Variants in BPIFB4 observed in about 807,000 individuals in gnomAD.
BPIFB4 encodes the protein BPI fold containing family B member 4.
Under a neutral mutation model 69.2 loss-of-function variants are expected in BPIFB4, and 62 were observed. The ratio of observed to expected loss-of-function variants is 0.90; its 90% CI spans 0.73 to 1.11. The LOEUF is 1.11. BPIFB4 is among the 50% of genes least tolerant of loss of function. The pLI, the probability that BPIFB4 is intolerant of heterozygous loss-of-function variation, is 0.00. For missense variants in BPIFB4, 789 were observed against 792.0 expected, an observed-to-expected ratio of 1.00 and a Z score of 0.04; for synonymous variants, 330 against 332.7, an observed-to-expected ratio of 0.99 and a Z score of 0.09.
At chr20:33,105,221 C>T (rs977898099) in intron 16 of BPIFB4, among the ~76,000 whole-genome samples, 3 of 152,118 alleles carry the variant, frequency 2.0e-5, no homozygotes, top group Admixed American at 6.5e-5. Flanking sequence ...GAGCATATTT[C>T]CTTCTAAACT....
intron 10 of BPIFB4, 91 bp from the exon 11 acceptor site, chr20:33,092,367 T>C (rs1380020406): frequency 9.6e-6 from 12 of 1,250,770 alleles, no homozygotes; most frequent in Non-Finnish European, 1.2e-5. Context: ...AATGGCTGCC[T>C]GGAGGCAGAT....
chr20:33,105,366 A>G (rs1281890486), intron 16 of BPIFB4, among the ~76,000 whole-genome samples: 2 of 152,226 alleles, frequency 1.3e-5, no homozygotes, highest in East Asian at 3.9e-4. Context: ...AGATACAGCT[A>G]AAGTTGCTCT....
chr20:33,100,003 T>A (rs567420794), intron 13 of BPIFB4, among the ~76,000 whole-genome samples: 1 of 152,234 alleles, frequency 6.6e-6, no homozygotes, highest in East Asian at 1.9e-4. Flanking sequence ...GCAGCGGTGA[T>A]GCCCAATCTC....
intron 17 of BPIFB4, among the ~76,000 whole-genome samples, chr20:33,109,298 T>C (rs1398971774): frequency 6.6e-6 from 1 of 152,196 alleles, no homozygotes; most frequent in African/African-American, 2.4e-5. Context: ...ATCTTCATCA[T>C]CATCATCATC....
Position 33,092,556 on chromosome 20 carries a change from C to T in BPIFB4, c.1242C>T (p.Asp414=), listed in dbSNP as rs967967015. The stretch of plus-strand genomic sequence containing the variant: ...TGCCAGAGCTGCCTCCCATGGGTGA[C>T]AACACCAAGTCCCAGCTGGCCATGT... The part of the protein sequence containing the change: ...KPMPELPPMG[D]NTKSQLAMSA... The change falls in exon 11 of 18, where the codon GAC becomes GAT. Residue 414 remains aspartate, a synonymous_variant. Transcript: ENST00000375483. 5 of 1,614,002 alleles carry T rather than the reference C, an allele frequency of 3.1e-6. No homozygotes were observed. The highest frequency in any genetic ancestry group is 2.7e-5 in the African/African-American group (2 of 74,942).
chr20:33,090,904 C>T (rs1377118092), intron 10 of BPIFB4, 105 bp downstream of exon 10: 1 of 1,342,412 alleles, frequency 7.4e-7, no homozygotes, highest in Non-Finnish European at 1.0e-6. Context: ...GGAAGTAACA[C>T]TTGACAGGAC....
chr20:33,099,454 C>G (rs1981846667), intron 13 of BPIFB4, among the ~76,000 whole-genome samples: 1 of 152,214 alleles, frequency 6.6e-6, no homozygotes, highest in Admixed American at 6.5e-5. Context: ...GCCCAGCACC[C>G]TGCAGTGACT....
Position 33,082,866 on chromosome 20 carries a change from C to A in BPIFB4, c.107-72C>A, listed in dbSNP as rs1156299973. 8.3e-6 allele frequency: 12 copies of A among 1,442,762 alleles called. No individual in the cohort carries two copies. The South Asian group carries it at 1.1e-4, about 14-fold the overall frequency. The allele number at this position is 1,442,762 out of a possible 1,614,324, so 89.4% of individuals were successfully genotyped here. On this transcript the variant is annotated intron_variant, in intron 3 of 17. Coordinates refer to ENST00000375483, the MANE Select transcript of BPIFB4 (RefSeq NM_182519.3). The stretch of plus-strand genomic sequence containing the variant: ...AGGCCCAGGGAGCTGAGCAACACTG[C>A]GAGGTGCTGCCTGGGGGCTGGAGGT...
chr20:33,089,679 G>A, intron 9 of BPIFB4, 121 bp downstream of exon 9: 1 of 1,517,210 alleles, frequency 6.6e-7, no homozygotes, highest in Non-Finnish European at 8.8e-7. Context: ...GTGAGGAGTG[G>A]CTAATGCCAC....
intron 5 of BPIFB4, 119 bp downstream of exon 5, chr20:33,083,993 T>G (rs1008262382): frequency 1.6e-6 from 2 of 1,223,548 alleles, no homozygotes; most frequent in Non-Finnish European, 2.2e-6. Context: ...ACTTCAGGGT[T>G]TGGCCTCAGG....
chr20:33,085,100 C>A, intron 6 of BPIFB4, 104 bp downstream of exon 6: 1 of 1,491,878 alleles, frequency 6.7e-7, no homozygotes, highest in Non-Finnish European at 8.9e-7. Context: ...AGTGCATGCC[C>A]ACAGACTTGC....
At chr20:33,100,083 G>A (rs1284894478) in intron 13 of BPIFB4, among the ~76,000 whole-genome samples, 1 of 152,104 alleles carries the variant, frequency 6.6e-6, no homozygotes, top group Non-Finnish European at 1.5e-5. Context: ...AGAGACACCT[G>A]GTAAACACCC....
rs541992483 is a variant in BPIFB4 at position 33,083,407 on chromosome 20, A to ACC, written c.217_218dup (p.Val74GlnfsTer160). The ACC allele has an allele frequency of 1.9e-6, 3 of 1,609,174 alleles. No homozygotes were observed. Among genetic ancestry groups the ACC allele is most frequent in the Non-Finnish European group, 2.5e-6 (3 of 1,177,910 alleles). ...CCTACAATGACTTCCATGTCCGAGG[A>ACC]CCCCCCCCAGTATATACCAACGGCA... On this transcript the variant is annotated frameshift_variant, in exon 5 of 18. Transcript: ENST00000375483. LOFTEE classifies it high-confidence loss of function.
At chr20:33,084,580 A>G (rs760951184) in intron 5 of BPIFB4, among the ~76,000 whole-genome samples, 1 of 152,224 alleles carries the variant, frequency 6.6e-6, no homozygotes, top group Non-Finnish European at 1.5e-5. Context: ...ACCTATATGT[A>G]TAGGAGGGAA....
At chr20:33,090,868 C>T in intron 10 of BPIFB4, 69 bp downstream of exon 10, 2 of 1,577,272 alleles carry the variant, frequency 1.3e-6, no homozygotes, top group Non-Finnish European at 1.7e-6. Flanking sequence ...CAGTGAGGCC[C>T]TCCCAGGGCT....
At chr20:33,111,301 C>A in intron 17 of BPIFB4, 113 bp from the exon 18 acceptor site, 1 of 1,409,032 alleles carries the variant, frequency 7.1e-7, no homozygotes, top group Non-Finnish European at 1.0e-6. Context: ...CTCCGCTGTT[C>A]AGAGTTACTG....
At chr20:33,090,941 A>ACACAGCTCTTAGAAG in intron 10 of BPIFB4, 142 bp downstream of exon 10, 2 of 997,258 alleles carry the variant, frequency 2.0e-6, no homozygotes, top group Non-Finnish European at 2.9e-6. Flanking sequence ...AGGCCTTCTA[A>ACACAGCTCTTAGAAG]GAGCTGTGTT....
intron 17 of BPIFB4, 45 bp from the exon 18 acceptor site, chr20:33,111,369 A>G (rs1330767949): frequency 1.9e-6 from 3 of 1,613,636 alleles, no homozygotes; most frequent in Non-Finnish European, 2.5e-6. Context: ...GGCTCTAGCC[A>G]GAGCCACCCC....
At position 33,089,565 on chromosome 20, in the gene BPIFB4, C is replaced by T. The variant is rs772982069; in HGVS notation, c.1051+7C>T. ...CAGCTGGGCCTCGTGGATTGTAAGTCCAATACACTTTCTCCAGCCTGGGGA... is the reference window on the plus strand; with the variant it reads ...CAGCTGGGCCTCGTGGATTGTAAGTTCAATACACTTTCTCCAGCCTGGGGA... On this transcript the variant is annotated splice_region_variant and intron_variant, in intron 9 of 17. Coordinates refer to ENST00000375483, the MANE Select transcript of BPIFB4 (RefSeq NM_182519.3). 3.1e-6 allele frequency: 5 copies of T among 1,614,100 alleles called. No homozygotes were observed. In the African/African-American group the frequency reaches 4.0e-5, roughly 13 times the overall value.
Sources: allele counts gnomAD v4.1 joint callset (sites outside exome capture counted in the v4.1 genomes callset), GRCh38; gene constraint gnomAD v4.1.1; transcripts MANE v1.5; gene names NCBI Gene and HGNC (gene_info 2026-07-23, HGNC 2026-07-21).